Variants in ATP2C2 observed in about 807,000 individuals in gnomAD.
ATP2C2 encodes ATPase secretory pathway Ca2+ transporting 2.
A neutral mutation model predicts 110.8 loss-of-function variants in ATP2C2; 171 were observed. The ratio of observed to expected loss-of-function variants is 1.54; its 90% CI spans 1.36 to 1.75. The LOEUF is 1.75. Among genes scored for constraint, ATP2C2 ranks in the 40% most tolerant of loss-of-function variants. The pLI, the probability that ATP2C2 is intolerant of heterozygous loss-of-function variation, is 0.00. For missense variants in ATP2C2, 1,963 were observed against 1,235.0 expected, an observed-to-expected ratio of 1.59 and a Z score of -8.84; for synonymous variants, 804 against 508.4, an observed-to-expected ratio of 1.58 and a Z score of -7.82.
chr16:84,381,728 G>C (rs1910590125), intron 1 of ATP2C2, among the ~76,000 whole-genome samples: 1 of 152,162 alleles, frequency 6.6e-6, no homozygotes, highest in South Asian at 2.1e-4. Context: ...GGCGGTGTAG[G>C]CATTCGTATT....
intron 7 of ATP2C2, among the ~76,000 whole-genome samples, chr16:84,419,998 C>T (rs558844419): frequency 1.3e-5 from 2 of 152,208 alleles, no homozygotes; most frequent in South Asian, 2.1e-4. Context: ...GCCCAAGCTA[C>T]TTGTCTCATG....
rs990156292 is a variant in ATP2C2 at position 84,411,442 on chromosome 16, C to CT, written c.515+684dup. Among the ~76,000 whole-genome samples the CT allele has an allele frequency of 9.2e-5, 14 of 152,180 alleles. No individual in the cohort carries two copies. The South Asian group carries it at 1.0e-3, about 11-fold the overall frequency. On this transcript the variant is annotated intron_variant, in intron 6 of 26. Transcript: ENST00000262429. Reference sequence around the variant, plus strand: ...CTGTCCAATATGGCATCTGACAATTCTTTTTTTGTTGTTTTTTAAGATAGA... The same window carrying CT: ...CTGTCCAATATGGCATCTGACAATTCTTTTTTTTGTTGTTTTTTAAGATAGA...
chr16:84,424,780 C>A (rs145485801), intron 10 of ATP2C2, among the ~76,000 whole-genome samples: 6 of 152,068 alleles, frequency 3.9e-5, no homozygotes, highest in African/African-American at 1.2e-4. Flanking sequence ...TTTCAAGCTA[C>A]TAATGTATAG....
In ATP2C2 at chr16:84,368,582, C is replaced by A. The variant is rs1259217313; in HGVS notation, c.-34C>A. 2 of 1,503,494 alleles carry A rather than the reference C, an allele frequency of 1.3e-6. No homozygotes were observed. Among genetic ancestry groups the A allele is most frequent in the East Asian group, 2.6e-5 (1 of 38,726 alleles). 93.1% of individuals were successfully genotyped at this position (1,503,494 alleles called of 1,614,324 possible). ...AGCCATCCCGGGCCTCGCCGGGGACCTAGGGACGCAGGCAACGCCTGCGCC... is the reference window on the plus strand; with the variant it reads ...AGCCATCCCGGGCCTCGCCGGGGACATAGGGACGCAGGCAACGCCTGCGCC... On this transcript the variant is annotated 5_prime_UTR_variant, in exon 1 of 27. Coordinates refer to ENST00000262429, the MANE Select transcript of ATP2C2 (RefSeq NM_014861.4).
chr16:84,426,707 C>G (rs577687984), intron 11 of ATP2C2, among the ~76,000 whole-genome samples: 2 of 152,288 alleles, frequency 1.3e-5, no homozygotes, highest in South Asian at 2.1e-4. Context: ...AGTGTTGGCT[C>G]TTAATACTGG....
At chr16:84,459,414 T>C in intron 23 of ATP2C2, 28 bp downstream of exon 23, 1 of 1,609,990 alleles carries the variant, frequency 6.2e-7, no homozygotes, top group Non-Finnish European at 8.5e-7. Flanking sequence ...GGGAGCCCTG[T>C]GTCTCTTTAC....
intron 23 of ATP2C2, chr16:84,460,425 C>G: frequency 3.2e-6 from 2 of 617,932 alleles, no homozygotes; most frequent in Non-Finnish European, 5.7e-6. Context: ...GGGTGGTCTT[C>G]CTTCACTGTC....
intron 17 of ATP2C2, 48 bp downstream of exon 17, chr16:84,448,737 T>G: frequency 6.4e-7 from 1 of 1,571,360 alleles, no homozygotes; most frequent in Non-Finnish European, 8.6e-7. Context: ...GCATGTAACA[T>G]TGACTTTTAA....
chr16:84,451,770 A>G (rs897683066), intron 17 of ATP2C2, 151 bp from the exon 18 acceptor site: 29 of 764,958 alleles, frequency 3.8e-5, no homozygotes, highest in Non-Finnish European at 5.7e-5. Context: ...CCCAGGAGGC[A>G]GAGGCTGCAG....
chr16:84,400,251 A>G (rs1426994537), intron 2 of ATP2C2, among the ~76,000 whole-genome samples: 2 of 151,822 alleles, frequency 1.3e-5, no homozygotes, highest in Non-Finnish European at 1.5e-5. Flanking sequence ...TCTCTTCAAT[A>G]TTCTGATTTC....
chr16:84,401,754 C>G (rs1423680226), intron 2 of ATP2C2, among the ~76,000 whole-genome samples: 1 of 152,152 alleles, frequency 6.6e-6, no homozygotes, highest in East Asian at 1.9e-4. Flanking sequence ...AATTTAAAGT[C>G]AGGTAATATG....
chr16:84,436,753 A>C (rs1908772771), intron 11 of ATP2C2, among the ~76,000 whole-genome samples: 1 of 137,732 alleles, frequency 7.3e-6, no homozygotes, highest in African/African-American at 2.7e-5. Context: ...CCCCATCGCC[A>C]GCGAAGGCTG....
Position 84,440,933 on chromosome 16 carries a change from A to C in ATP2C2, c.1286A>C (p.Asn429Thr). The C allele has an allele frequency of 6.2e-7, 1 of 1,612,978 alleles. No individual in the cohort carries two copies. Among genetic ancestry groups the C allele is most frequent in the South Asian group, 1.1e-5 (1 of 90,458 alleles). ...AAGGAAGTCATTAAGGAATTTTCCA[A>C]TGTCTCAGTGGGAAAGTTAGTGGAG... Reference protein sequence around the residue: ...PSKEVIKEFSNVSVGKLVEAG... With the variant: ...PSKEVIKEFSTVSVGKLVEAG... The change falls in exon 14 of 27, where the codon AAT (asparagine) becomes ACT (threonine). Residue 429 changes from asparagine (N) to threonine (T), a missense_variant. Physicochemically the swap from Asn to Thr is moderately conservative, Grantham distance 65. Coordinates refer to ENST00000262429, the MANE Select transcript of ATP2C2 (RefSeq NM_014861.4).
chr16:84,461,410 T>C, intron 24 of ATP2C2: 4 of 515,398 alleles, frequency 7.8e-6, no homozygotes, highest in Non-Finnish European at 1.0e-5. Flanking sequence ...ACCTTCACTC[T>C]GGGTTTAACT....
intron 11 of ATP2C2, among the ~76,000 whole-genome samples, chr16:84,428,101 C>G (rs115392637): frequency 1.0e-3 from 152 of 152,318 alleles, no homozygotes; most frequent in African/African-American, 3.5e-3. Context: ...TTACAGCAGA[C>G]AAACTCCTGG....
chr16:84,460,559 C>T (rs753668357), intron 23 of ATP2C2, 95 bp from the exon 24 acceptor site: 3 of 1,574,072 alleles, frequency 1.9e-6, no homozygotes, highest in East Asian at 2.2e-5. Context: ...GCCCCCTGTG[C>T]CAACTTGGCC....
chr16:84,450,676 G>C (rs978507705), intron 17 of ATP2C2, among the ~76,000 whole-genome samples: 2 of 152,086 alleles, frequency 1.3e-5, no homozygotes, highest in Non-Finnish European at 1.5e-5. Flanking sequence ...GTCAGTGAGG[G>C]GGCAAGGATG....
chr16:84,406,572 TC>T, intron 3 of ATP2C2: 1 of 985,458 alleles, frequency 1.0e-6, no homozygotes, highest in Non-Finnish European at 1.2e-6. Flanking sequence ...TGAGGTCCCC[TC>T]CCTGATCAAG....
chr16:84,447,209 C>T (rs976101373), intron 16 of ATP2C2, among the ~76,000 whole-genome samples: 3 of 152,184 alleles, frequency 2.0e-5, no homozygotes, highest in Non-Finnish European at 2.9e-5. Flanking sequence ...AGCTCCCACT[C>T]AGGGCTGTGG....
Sources: allele counts gnomAD v4.1 joint callset (sites outside exome capture counted in the v4.1 genomes callset), GRCh38; gene constraint gnomAD v4.1.1; transcripts MANE v1.5; gene names NCBI Gene and HGNC (gene_info 2026-07-23, HGNC 2026-07-21).